PDE7A: variants seen among roughly 807,000 people sequenced by gnomAD.
PDE7A encodes high affinity 3',5'-cyclic-AMP phosphodiesterase 7A.
In PDE7A, 39 loss-of-function variants were observed where a neutral mutation model predicts 64.3. The observed-to-expected ratio is 0.61, with a 90% CI of 0.47 to 0.79. The LOEUF (loss-of-function observed/expected upper bound fraction) is 0.79. Among genes scored for constraint, PDE7A ranks in the 30% least tolerant of loss-of-function variants. The pLI, the probability that PDE7A is intolerant of heterozygous loss-of-function variation, is 0.00. For synonymous variants in PDE7A, 203 were observed against 206.8 expected, an observed-to-expected ratio of 0.98 and a Z score of 0.16; for missense variants, 470 against 582.8, an observed-to-expected ratio of 0.81 and a Z score of 1.99.
intron 1 of PDE7A, among the ~76,000 whole-genome samples, chr8:65,839,859 C>T (rs548478361): frequency 4.5e-4 from 68 of 152,278 alleles, no homozygotes; most frequent in African/African-American, 1.6e-3. Context: ...CATTCATTTT[C>T]TTCTCAGAGA....
At chr8:65,770,093 C>A (rs1809004851) in intron 3 of PDE7A, among the ~76,000 whole-genome samples, 1 of 150,864 alleles carries the variant, frequency 6.6e-6, no homozygotes. Flanking sequence ...GCATTGTTAA[C>A]ATTTGTCTTA....
rs771966121 is a variant in PDE7A at position 65,716,818 on chromosome 8, A to G, written c.*2472T>C. Among the ~76,000 whole-genome samples the G allele has an allele frequency of 5.9e-5, 9 of 152,218 alleles. No individual in the cohort carries two copies. Among genetic ancestry groups the G allele is most frequent in the African/African-American group, 9.6e-5 (4 of 41,454 alleles). ...ATCTGAGTTATCAGACTTTCTGTAC[A>G]CATTAAATATAGGCCAAGGTATGGC... On this transcript the variant is annotated 3_prime_UTR_variant, in exon 13 of 13. Coordinates refer to ENST00000401827, the MANE Select transcript of PDE7A (RefSeq NM_001242318.3).
At chr8:65,773,860 G>A (rs755435578) in intron 3 of PDE7A, among the ~76,000 whole-genome samples, 10 of 151,942 alleles carry the variant, frequency 6.6e-5, no homozygotes, top group Admixed American at 3.9e-4. Flanking sequence ...TATATTTTTC[G>A]AATTCTCTTA....
At chr8:65,812,462 T>C (rs1379242824) in intron 1 of PDE7A, among the ~76,000 whole-genome samples, 1 of 151,986 alleles carries the variant, frequency 6.6e-6, no homozygotes. Flanking sequence ...TAAAGAATAA[T>C]GTAAAAGAAC....
Position 65,718,321 on chromosome 8 carries a change from C to T in PDE7A, c.*969G>A, listed in dbSNP as rs1345809571. On this transcript the variant is annotated 3_prime_UTR_variant, in exon 13 of 13. Transcript: ENST00000401827. ...CATCCGTACATTCACACACAACATA[C>T]CTCTCACTCACTGCAGCGAAAGGGA... 6.6e-6 allele frequency: 1 copy of T among 152,288 alleles called. No individual in the cohort carries two copies. Among genetic ancestry groups the T allele is most frequent in the Non-Finnish European group, 1.5e-5 (1 of 68,050 alleles). The allele number at this position is 152,288 out of a possible 1,614,324, so 9.4% of individuals were successfully genotyped here.
At chr8:65,756,915 G>T (rs1396520652) in intron 3 of PDE7A, among the ~76,000 whole-genome samples, 1 of 151,928 alleles carries the variant, frequency 6.6e-6, no homozygotes, top group African/African-American at 2.4e-5. Context: ...AAATTTTGCT[G>T]GCTTATGATA....
In PDE7A at chr8:65,727,289, C is replaced by T; in HGVS notation, c.709G>A (p.Val237Ile). Residue 237 changes from valine to isoleucine, a missense_variant, in exon 8 of 13, where the codon GTA becomes ATA. By Grantham distance (29) the Val-to-Ile change is conservative (BLOSUM62 3). Coordinates refer to ENST00000401827, the MANE Select transcript of PDE7A (RefSeq NM_001242318.3). ...CTCAGCAAGATATCCCAAGGAGTTA[C>T]AGAATTGGCAAGCTGAAGTGTGACA... ...YLKEPKLANS[V>I]TPWDILLSLI... 6.2e-7 allele frequency: 1 copy of T among 1,612,412 alleles called. No individual in the cohort carries two copies. The highest frequency in any genetic ancestry group is 8.5e-7 in the Non-Finnish European group (1 of 1,178,538).
intron 7 of PDE7A, chr8:65,728,436 A>T (rs983461056): frequency 6.6e-6 from 1 of 152,212 alleles, no homozygotes; most frequent in African/African-American, 2.4e-5. Flanking sequence ...GAGGGCTTGA[A>T]TCTCCTGGAA....
intron 1 of PDE7A, among the ~76,000 whole-genome samples, chr8:65,810,857 G>C (rs1279395179): frequency 6.6e-6 from 1 of 151,948 alleles, no homozygotes; most frequent in Non-Finnish European, 1.5e-5. Flanking sequence ...AAACAGACAA[G>C]AAAAGGGACT....
intron 12 of PDE7A, chr8:65,722,161 T>C (rs1169916511): frequency 6.6e-6 from 1 of 152,158 alleles, no homozygotes; most frequent in African/African-American, 2.4e-5. Context: ...ACAAAGCATA[T>C]CTGGTTCTAA....
intron 3 of PDE7A, among the ~76,000 whole-genome samples, chr8:65,762,887 AGCATTAT>A (rs1041786274): frequency 6.6e-5 from 10 of 152,200 alleles, no homozygotes; most frequent in Admixed American, 3.3e-4. Context: ...CTATAATCCC[AGCATTAT>A]GGGAAGCTGA....
At chr8:65,767,826 G>C (rs1808869448) in intron 3 of PDE7A, among the ~76,000 whole-genome samples, 1 of 152,092 alleles carries the variant, frequency 6.6e-6, no homozygotes, top group African/African-American at 2.4e-5. Context: ...TAATAAACTG[G>C]TAAATATAAG....
chr8:65,812,765 TAGC>T (rs2128930315), intron 1 of PDE7A, among the ~76,000 whole-genome samples: 2 of 152,332 alleles, frequency 1.3e-5, no homozygotes, highest in South Asian at 4.1e-4. Context: ...AAAACATGCA[TAGC>T]ACCACTTTTA....
chr8:65,819,701 AAAGT>A lies in PDE7A; in HGVS notation c.138+21666_138+21669del, dbSNP rs368124815. Among the ~76,000 whole-genome samples, 362 of 152,352 alleles carry A rather than the reference AAAGT, an allele frequency of 2.4e-3. 1 individual carries two copies. Among genetic ancestry groups the A allele is most frequent in the African/African-American group, 8.3e-3 (346 of 41,580 alleles). On this transcript the variant is annotated intron_variant, in intron 1 of 12. Coordinates refer to ENST00000401827, the MANE Select transcript of PDE7A (RefSeq NM_001242318.3). The stretch of plus-strand genomic sequence containing the variant: ...AACTTCTTAATTCTTCCCATTGACA[AAAGT>A]TAGTAAGATTAATTTTATTCAAATT...
intron 3 of PDE7A, among the ~76,000 whole-genome samples, chr8:65,775,555 C>A (rs527381884): frequency 3.9e-5 from 6 of 152,286 alleles, no homozygotes; most frequent in Admixed American, 2.6e-4. Context: ...GGTGGCCAGG[C>A]CTTTTTGTTT....
At chr8:65,825,796 T>C (rs1190554005) in intron 1 of PDE7A, among the ~76,000 whole-genome samples, 6 of 152,170 alleles carry the variant, frequency 3.9e-5, no homozygotes, top group African/African-American at 1.2e-4. Context: ...AGGGACACAG[T>C]AGTGAATAGG....
chr8:65,815,279 T>A (rs1585940636), intron 1 of PDE7A, among the ~76,000 whole-genome samples: 1 of 152,288 alleles, frequency 6.6e-6, no homozygotes, highest in East Asian at 1.9e-4. Flanking sequence ...CCATTAAATT[T>A]AGAAATCTCA....
At chr8:65,740,583 G>T (rs761717411) in intron 5 of PDE7A, among the ~76,000 whole-genome samples, 4 of 152,062 alleles carry the variant, frequency 2.6e-5, no homozygotes, top group African/African-American at 9.7e-5. Flanking sequence ...TGTATTTTTA[G>T]TAGAGACAGG....
chr8:65,719,584 C>T (rs1201246640), intron 12 of PDE7A, 89 bp from the exon 13 acceptor site: 13 of 815,466 alleles, frequency 1.6e-5, no homozygotes, highest in Non-Finnish European at 6.1e-6. Context: ...CTTCCTACAT[C>T]CTACTCCAGT....
Sources: allele counts gnomAD v4.1 joint callset (sites outside exome capture counted in the v4.1 genomes callset), GRCh38; gene constraint gnomAD v4.1.1; transcripts MANE v1.5; gene names NCBI Gene and HGNC (gene_info 2026-07-23, HGNC 2026-07-21).